The following ZNF729 variants were observed in gnomAD, a reference collection of about 807,000 sequenced individuals.
ZNF729 encodes zinc finger protein 729.
Under a neutral mutation model 12.2 loss-of-function variants are expected in ZNF729, and 15 were observed. The observed-to-expected ratio is 1.23, with a 90% CI of 0.82 to 1.89. The LOEUF (loss-of-function observed/expected upper bound fraction) is 1.89. Ranked by LOEUF, ZNF729 falls within the 40% of genes most tolerant of loss-of-function variation. The pLI, the probability that ZNF729 is intolerant of heterozygous loss-of-function variation, is 0.00. For synonymous variants in ZNF729, 492 were observed against 476.3 expected (o/e 1.03, Z -0.43); for missense variants, 1,540 against 1,456.7 (o/e 1.06, Z -0.93).
intron 3 of ZNF729, among the ~76,000 whole-genome samples, chr19:22,307,811 T>G (rs529423638): frequency 6.1e-5 from 9 of 147,578 alleles, no homozygotes; most frequent in South Asian, 2.2e-4. Flanking sequence ...TTTTTTTTTT[T>G]TTTTTTTTTT....
intron 3 of ZNF729, among the ~76,000 whole-genome samples, chr19:22,305,316 C>G (rs75025730): frequency 0.022 from 3,345 of 152,212 alleles, 108 homozygotes; most frequent in African/African-American, 0.077. Context: ...ATTATCTACT[C>G]TCAGATATTT....
rs1968080244 is a variant in ZNF729, at chr19:22,286,561, A to T, written c.30+6A>T. On this transcript the variant is annotated splice_donor_region_variant and intron_variant, in intron 1 of 3. Transcript: ENST00000601693. ...CCCCTGGCAGCCTAGAAATGGTGAGAGTGCCGGGTCCGACATCCCGAGAAG... is the reference window on the plus strand; with the variant it reads ...CCCCTGGCAGCCTAGAAATGGTGAGTGTGCCGGGTCCGACATCCCGAGAAG... 1 of 1,613,688 alleles carries T rather than the reference A, an allele frequency of 6.2e-7. No individual in the cohort carries two copies. Among genetic ancestry groups the T allele is most frequent in the African/African-American group, 1.3e-5 (1 of 74,822 alleles).
At chr19:22,313,626 CT>C (rs780483020) in intron 3 of ZNF729, 44 bp from the exon 4 acceptor site, 2 of 1,410,328 alleles carry the variant, frequency 1.4e-6, no homozygotes, top group African/African-American at 2.9e-5. Context: ...GTATATTCAT[CT>C]GAGTCTAGCA....
At chr19:22,301,861 A>C (rs1161199231) in intron 1 of ZNF729, among the ~76,000 whole-genome samples, 139 of 152,336 alleles carry the variant, frequency 9.1e-4, no homozygotes, top group African/African-American at 3.1e-3. Flanking sequence ...CTTACCCAAG[A>C]GCTAGCAAAT....
At chr19:22,293,954 TGAA>T (rs1287015396) in intron 1 of ZNF729, among the ~76,000 whole-genome samples, 1 of 152,262 alleles carries the variant, frequency 6.6e-6, no homozygotes, top group Non-Finnish European at 1.5e-5. Context: ...TCCATTGCTG[TGAA>T]GAAGATATTT....
At chr19:22,292,525 A>G (rs752573739) in intron 1 of ZNF729, among the ~76,000 whole-genome samples, 1 of 151,888 alleles carries the variant, frequency 6.6e-6, no homozygotes, top group Non-Finnish European at 1.5e-5. Context: ...TGCAGCCTCA[A>G]CCTCCTGGGC....
intron 1 of ZNF729, among the ~76,000 whole-genome samples, 173 bp downstream of exon 1, chr19:22,286,728 C>T (rs779226651): frequency 6.6e-6 from 1 of 152,172 alleles, no homozygotes; most frequent in South Asian, 2.1e-4. Context: ...AATGCGCTGA[C>T]TGCGGGACCC....
At chr19:22,289,960 C>T (rs1410667613) in intron 1 of ZNF729, among the ~76,000 whole-genome samples, 1 of 152,128 alleles carries the variant, frequency 6.6e-6, no homozygotes, top group African/African-American at 2.4e-5. Context: ...GCTTATCTTA[C>T]TGAGACATAA....
At chr19:22,309,972 G>A (rs1968431533) in intron 3 of ZNF729, among the ~76,000 whole-genome samples, 1 of 151,178 alleles carries the variant, frequency 6.6e-6, no homozygotes, top group Admixed American at 6.6e-5. Context: ...TTTTTTCACG[G>A]CTATTGTAAA....
chr19:22,307,316 ATTTTTT>A (rs35650592), intron 3 of ZNF729, among the ~76,000 whole-genome samples: 2 of 95,298 alleles, frequency 2.1e-5, no homozygotes, highest in Admixed American at 1.2e-4. Context: ...ACAATGTAGC[ATTTTTT>A]TTTTTTTTTT....
chr19:22,286,603 G>C, intron 1 of ZNF729, 48 bp downstream of exon 1: 1 of 1,612,382 alleles, frequency 6.2e-7, no homozygotes, highest in East Asian at 2.2e-5. Flanking sequence ...GGGCTGATTG[G>C]AACCGGTGGG....
At chr19:22,303,325 A>G (rs1968337582) in intron 1 of ZNF729, among the ~76,000 whole-genome samples, 1 of 150,536 alleles carries the variant, frequency 6.6e-6, no homozygotes, top group African/African-American at 2.5e-5. Context: ...CTCAGACTTT[A>G]TTCTAGATCT....
chr19:22,293,701 C>T (rs771849751), intron 1 of ZNF729, among the ~76,000 whole-genome samples: 34 of 152,010 alleles, frequency 2.2e-4, no homozygotes, highest in Non-Finnish European at 4.1e-4. Flanking sequence ...ATCATGTTGG[C>T]CAGGCTGATC....
rs1431115075 is a variant in ZNF729 at position 22,316,788 on chromosome 19, T to C, written c.3371T>C (p.Ile1124Thr). The change falls in exon 4 of 4, where the codon ATA becomes ACA. Residue 1124 changes from isoleucine to threonine, a missense_variant. Ile to Thr is a moderately conservative substitution (Grantham distance 89). Transcript: ENST00000601693. ...TCCTCAACCCTTACGAAACATAAGA[T>C]AATTCATACTGGGGAGAAACCCTAC... ...NNSSTLTKHKIIHTGEKPYKC... is the reference protein window; with the variant it reads ...NNSSTLTKHKTIHTGEKPYKC... The C allele has an allele frequency of 1.2e-6, 2 of 1,612,780 alleles. No individual in the cohort carries two copies. Among genetic ancestry groups the C allele is most frequent in the Non-Finnish European group, 8.5e-7 (1 of 1,179,802 alleles).
In ZNF729 at chr19:22,316,783, T is replaced by A. The variant is rs1184218848; in HGVS notation, c.3366T>A (p.His1122Gln). The change falls in exon 4 of 4, where the codon CAT (histidine) becomes CAA (glutamine). Residue 1122 changes from histidine to glutamine, a missense_variant. Transcript: ENST00000601693. ...AFNNSSTLTK[H>Q]KIIHTGEKPY... ...ACAATTCCTCAACCCTTACGAAACA[T>A]AAGATAATTCATACTGGGGAGAAAC... is the stretch of plus-strand genomic sequence containing the variant. The A allele has an allele frequency of 6.2e-7, 1 of 1,613,030 alleles. No homozygotes were observed. Among genetic ancestry groups the A allele is most frequent in the African/African-American group, 1.3e-5 (1 of 74,870 alleles).
intron 1 of ZNF729, among the ~76,000 whole-genome samples, chr19:22,288,667 C>A (rs1968112882): frequency 6.6e-6 from 1 of 152,112 alleles, no homozygotes; most frequent in Non-Finnish European, 1.5e-5. Flanking sequence ...CTTCACCCAA[C>A]CCAGCTTCCA....
Position 22,315,265 on chromosome 19 carries a change from T to C in ZNF729, c.1848T>C (p.Ala616=). 6.2e-7 allele frequency: 1 copy of C among 1,611,828 alleles called. No homozygotes were observed. The highest frequency in any genetic ancestry group is 1.1e-5 in the South Asian group (1 of 90,988). ...GKAFNNSSIL[A]KHKIIHTGKK... is the part of the protein sequence containing the mutation. ...CTTTTAACAATTCCTCAATCCTTGC[T>C]AAACATAAGATAATTCATACTGGGA... Residue 616 remains alanine, a synonymous_variant, in exon 4 of 4, where the codon GCT becomes GCC. Coordinates refer to ENST00000601693, the MANE Select transcript of ZNF729 (RefSeq NM_001242680.2).
At chr19:22,297,225 C>G (rs371315484) in intron 1 of ZNF729, among the ~76,000 whole-genome samples, 1 of 151,186 alleles carries the variant, frequency 6.6e-6, no homozygotes, top group Non-Finnish European at 1.5e-5. Context: ...CTTCTTAGGT[C>G]TCTAAGAACT....
intron 1 of ZNF729, among the ~76,000 whole-genome samples, chr19:22,292,746 A>G (rs1968172068): frequency 6.6e-6 from 1 of 152,068 alleles, no homozygotes; most frequent in Admixed American, 6.5e-5. Context: ...TTATCATACC[A>G]TATTTTCTTT....
Sources: allele counts gnomAD v4.1 joint callset (sites outside exome capture counted in the v4.1 genomes callset), GRCh38; gene constraint gnomAD v4.1.1; transcripts MANE v1.5; gene names NCBI Gene and HGNC (gene_info 2026-07-23, HGNC 2026-07-21).